RBFOX1: variants seen among roughly 807,000 people sequenced by gnomAD.
RBFOX1 encodes RNA binding fox-1 homolog 1, also known as RNA binding protein fox-1 homolog 1.
A neutral mutation model predicts 57.7 loss-of-function variants in RBFOX1; 8 were observed. The observed-to-expected ratio is 0.14, with a 90% CI of 0.08 to 0.25. The LOEUF is 0.25. Among genes scored for constraint, RBFOX1 ranks in the 10% least tolerant of loss-of-function variants. The probability of loss-of-function intolerance (pLI) is 1.00; values close to 1 mark genes in which losing one functional copy is unlikely to be tolerated. For synonymous variants in RBFOX1, 326 were observed against 222.4 expected, an observed-to-expected ratio of 1.47 and a Z score of -4.15; for missense variants, 611 against 548.5, an observed-to-expected ratio of 1.11 and a Z score of -1.14.
chr16:7,025,724 T>C (rs929878589), intron 3 of RBFOX1, among the ~76,000 whole-genome samples: 1 of 151,880 alleles, frequency 6.6e-6, no homozygotes, highest in African/African-American at 2.4e-5. Context: ...AGTCAGGACA[T>C]CCTAGCTGAG....
intron 1 of RBFOX1, among the ~76,000 whole-genome samples, chr16:5,285,863 C>T (rs1228087847): frequency 2.0e-5 from 3 of 152,124 alleles, no homozygotes; most frequent in Non-Finnish European, 4.4e-5. Context: ...CCTCTGCCTC[C>T]CGGGTTCAAG....
chr16:7,004,903 A>G (rs887603262), intron 3 of RBFOX1, among the ~76,000 whole-genome samples: 6 of 152,138 alleles, frequency 3.9e-5, no homozygotes, highest in African/African-American at 7.2e-5. Context: ...TAATTCCAGG[A>G]CTTTGTAAGG....
chr16:6,859,141 G>A (rs1041696751), intron 3 of RBFOX1, among the ~76,000 whole-genome samples: 5 of 98,246 alleles, frequency 5.1e-5, no homozygotes, highest in Non-Finnish European at 7.4e-5. Context: ...ATATATATAC[G>A]TATATATATA....
At chr16:6,442,101 C>T (rs543664511) in intron 2 of RBFOX1, among the ~76,000 whole-genome samples, 92 of 152,184 alleles carry the variant, frequency 6.0e-4, no homozygotes, top group African/African-American at 2.1e-3. Context: ...CACAGGCTGC[C>T]GGGTGATAGA....
chr16:6,544,056 T>C lies in RBFOX1; in HGVS notation c.-63-110547T>C, dbSNP rs2096860870. Among the ~76,000 whole-genome samples the C allele has an allele frequency of 1.3e-5, 2 of 152,228 alleles. 1 individual carries two copies. Among genetic ancestry groups the C allele is most frequent in the South Asian group, 4.1e-4 (2 of 4,828 alleles). ...CAAGTACCTGAGATGCTCTTCTAGG[T>C]GTCTGTCTTGTGTGCCATCTGGCCC... On this transcript the variant is annotated intron_variant, in intron 2 of 15. Transcript: ENST00000550418.
chr16:7,359,275 T>C (rs1183731913), intron 4 of RBFOX1, among the ~76,000 whole-genome samples: 1 of 152,178 alleles, frequency 6.6e-6, no homozygotes, highest in African/African-American at 2.4e-5. Context: ...ATATGTAAAA[T>C]AGTATATAGC....
chr16:6,632,763 T>A (rs1404248635), intron 2 of RBFOX1, among the ~76,000 whole-genome samples: 1 of 152,224 alleles, frequency 6.6e-6, no homozygotes, highest in African/African-American at 2.4e-5. Context: ...GCCTATGACC[T>A]CAAAGAGTGA....
chr16:7,622,785 C>G (rs569101016), intron 10 of RBFOX1, among the ~76,000 whole-genome samples: 1 of 152,126 alleles, frequency 6.6e-6, no homozygotes, highest in African/African-American at 2.4e-5. Context: ...TACAGAGCAA[C>G]ATTTTTTCTG....
At chr16:5,632,007 C>A (rs2151306222) in intron 3 of RBFOX1, among the ~76,000 whole-genome samples, 1 of 152,266 alleles carries the variant, frequency 6.6e-6, no homozygotes, top group South Asian at 2.1e-4. Flanking sequence ...GTCTAAAGAT[C>A]TCACAGGAGG....
At chr16:6,320,400 T>A (rs1167927389) in intron 2 of RBFOX1, among the ~76,000 whole-genome samples, 2 of 152,090 alleles carry the variant, frequency 1.3e-5, no homozygotes, top group Non-Finnish European at 1.5e-5. Flanking sequence ...GATGGGTTGT[T>A]TGGGTGATGA....
intron 4 of RBFOX1, among the ~76,000 whole-genome samples, chr16:7,229,099 T>C (rs1030066312): frequency 6.6e-6 from 1 of 152,198 alleles, no homozygotes; most frequent in African/African-American, 2.4e-5. Flanking sequence ...AAGGGAGCAC[T>C]CTGAAAGGTC....
At chr16:7,416,482 G>A (rs961802306) in intron 4 of RBFOX1, among the ~76,000 whole-genome samples, 1 of 152,166 alleles carries the variant, frequency 6.6e-6, no homozygotes, top group African/African-American at 2.4e-5. Context: ...CAGGAAAGTG[G>A]GTACATGGTG....
chr16:6,746,622 G>A (rs1372562904), intron 3 of RBFOX1, among the ~76,000 whole-genome samples: 1 of 151,958 alleles, frequency 6.6e-6, no homozygotes, highest in Non-Finnish European at 1.5e-5. Context: ...AGGCTGCAGT[G>A]ACCTGTGATT....
intron 3 of RBFOX1, among the ~76,000 whole-genome samples, chr16:6,884,894 T>C (rs1240956257): frequency 6.6e-6 from 1 of 152,184 alleles, no homozygotes; most frequent in Admixed American, 6.5e-5. Flanking sequence ...CAAGGCTCTC[T>C]TTCAAACAAA....
chr16:5,685,341 G>C (rs2050473343), intron 3 of RBFOX1, among the ~76,000 whole-genome samples: 1 of 152,116 alleles, frequency 6.6e-6, no homozygotes, highest in African/African-American at 2.4e-5. Flanking sequence ...TAGCCTCCAA[G>C]TAAGTCATTT....
chr16:7,330,779 T>C (rs1477329735), intron 4 of RBFOX1, among the ~76,000 whole-genome samples: 2 of 152,054 alleles, frequency 1.3e-5, no homozygotes, highest in African/African-American at 4.8e-5. Context: ...AAAGAGACAA[T>C]TTGATCTGAC....
intron 1 of RBFOX1, among the ~76,000 whole-genome samples, chr16:6,210,361 C>CAAAAAA (rs3064933): frequency 1.8e-4 from 11 of 61,446 alleles, no homozygotes; most frequent in South Asian, 8.1e-4. Context: ...AAAAAAACAC[C>CAAAAAA]AAAAAAAAAA....
intron 1 of RBFOX1, among the ~76,000 whole-genome samples, chr16:5,323,542 C>A (rs1051763000): frequency 1.3e-5 from 2 of 152,256 alleles, no homozygotes; most frequent in African/African-American, 2.4e-5. Flanking sequence ...TCTGCAGATG[C>A]ATTGCTCTGT....
At chr16:7,307,299 T>C (rs1046052926) in intron 4 of RBFOX1, among the ~76,000 whole-genome samples, 1 of 152,240 alleles carries the variant, frequency 6.6e-6, no homozygotes, top group African/African-American at 2.4e-5. Context: ...TTAAATGCTT[T>C]CTTTGTCTCA....
Sources: allele counts gnomAD v4.1 joint callset (sites outside exome capture counted in the v4.1 genomes callset), GRCh38; gene constraint gnomAD v4.1.1; transcripts MANE v1.5; gene names NCBI Gene and HGNC (gene_info 2026-07-23, HGNC 2026-07-21).